ENDOD1: variants seen among roughly 807,000 people sequenced by gnomAD.
ENDOD1 encodes the protein endonuclease domain-containing 1 protein.
A neutral mutation model predicts 6.5 loss-of-function variants in ENDOD1; 9 were observed. The observed-to-expected ratio is 1.39, with a 90% CI of 0.84 to 2.43. The LOEUF (loss-of-function observed/expected upper bound fraction) is 2.43. Ranked by LOEUF, ENDOD1 falls within the 30% of genes most tolerant of loss-of-function variation. The pLI is 0.00. For synonymous variants in ENDOD1, 255 were observed against 255.2 expected, an observed-to-expected ratio of 1.00 and a Z score of 0.01; for missense variants, 648 against 635.5, an observed-to-expected ratio of 1.02 and a Z score of -0.21.
intron 1 of ENDOD1, among the ~76,000 whole-genome samples, chr11:95,107,752 C>T (rs1391400265): frequency 1.3e-5 from 2 of 152,106 alleles, no homozygotes; most frequent in Non-Finnish European, 2.9e-5. Context: ...CTTCTGCCTC[C>T]CGGGTTCAAG....
chr11:95,106,488 T>C (rs1859090511), intron 1 of ENDOD1, among the ~76,000 whole-genome samples: 1 of 152,192 alleles, frequency 6.6e-6, no homozygotes, highest in Non-Finnish European at 1.5e-5. Flanking sequence ...TGCCAGTTTG[T>C]CATTTAATCA....
chr11:95,097,922 G>A (rs1372524556), intron 1 of ENDOD1, among the ~76,000 whole-genome samples: 2 of 152,188 alleles, frequency 1.3e-5, no homozygotes, highest in African/African-American at 4.8e-5. Flanking sequence ...TTGTTCATAA[G>A]AGCAAGAATA....
chr11:95,128,942 T>C lies in ENDOD1; in HGVS notation c.866T>C (p.Ile289Thr). ...AAAATCCTGGAAGTGGTTAACCAAATCCAGGATGAAGAACGAATGGTACAA... is the reference window on the plus strand; with the variant it reads ...AAAATCCTGGAAGTGGTTAACCAAACCCAGGATGAAGAACGAATGGTACAA... Reference protein sequence around the residue: ...MKKILEVVNQIQDEERMVQSQ... With the variant: ...MKKILEVVNQTQDEERMVQSQ... The change falls in exon 2 of 2, where the codon ATC becomes ACC. Residue 289 changes from isoleucine to threonine, a missense_variant. Physicochemically the swap from Ile to Thr is moderately conservative, Grantham distance 89. Transcript: ENST00000278505. The C allele has an allele frequency of 6.2e-7, 1 of 1,613,990 alleles. No homozygotes were observed. The highest frequency in any genetic ancestry group is 8.5e-7 in the Non-Finnish European group (1 of 1,180,004).
chr11:95,103,102 T>A (rs12363635), intron 1 of ENDOD1, among the ~76,000 whole-genome samples: 4 of 123,848 alleles, frequency 3.2e-5, no homozygotes, highest in African/African-American at 9.3e-5. Flanking sequence ...GCAGAGTGGG[T>A]GTGTGTGTGT....
At position 95,128,782 on chromosome 11, in the gene ENDOD1, T is replaced by C; in HGVS notation, c.706T>C (p.Phe236Leu). Residue 236 changes from phenylalanine to leucine, a missense_variant, in exon 2 of 2, where the codon TTT becomes CTT. Transcript: ENST00000278505. The part of the protein sequence containing the change: ...AVPGGGWAMG[F>L]VKHTRDSDII... ...CCCTGGAGGAGGCTGGGCCATGGGC[T>C]TTGTCAAGCACACCCGGGACAGTGA... 2 of 1,614,164 alleles carry C rather than the reference T, an allele frequency of 1.2e-6. No homozygotes were observed. The highest frequency in any genetic ancestry group is 1.7e-6 in the Non-Finnish European group (2 of 1,180,018).
chr11:95,122,333 A>G (rs1212479038), intron 1 of ENDOD1, among the ~76,000 whole-genome samples: 3 of 151,176 alleles, frequency 2.0e-5, no homozygotes, highest in East Asian at 3.9e-4. Flanking sequence ...AGCCATTCTC[A>G]TGCCTCAGCC....
chr11:95,127,833 C>G (rs983922439), intron 1 of ENDOD1, among the ~76,000 whole-genome samples: 6 of 151,948 alleles, frequency 3.9e-5, no homozygotes, highest in African/African-American at 1.5e-4. Context: ...AATCTCAGCT[C>G]ACTGCAACCT....
intron 1 of ENDOD1, among the ~76,000 whole-genome samples, chr11:95,111,334 A>G (rs1292664897): frequency 1.3e-5 from 2 of 152,164 alleles, no homozygotes; most frequent in South Asian, 2.1e-4. Flanking sequence ...GACAGGTTTC[A>G]TGGAAGAGAA....
rs1555109670 is a variant in ENDOD1 at position 95,090,116 on chromosome 11, G to A, written c.189G>A (p.Glu63=). ...TCTGTCAGCGCGCGGAGGGTGCTGA[G>A]CGCTTCGCCACCCTCTACAGCACCC... ...VKICQRAEGA[E]RFATLYSTRD... is the part of the protein sequence containing the mutation. Residue 63 remains glutamate, a synonymous_variant, in exon 1 of 2, where the codon GAG becomes GAA. Coordinates refer to ENST00000278505, the MANE Select transcript of ENDOD1 (RefSeq NM_015036.3). 1.3e-6 allele frequency: 2 copies of A among 1,573,426 alleles called. No individual in the cohort carries two copies. Among genetic ancestry groups the A allele is most frequent in the Admixed American group, 3.6e-5 (2 of 55,898 alleles).
chr11:95,125,251 CA>C (rs1353928965), intron 1 of ENDOD1, among the ~76,000 whole-genome samples: 1 of 152,146 alleles, frequency 6.6e-6, no homozygotes, highest in Non-Finnish European at 1.5e-5. Context: ...TAAGTGCATA[CA>C]AAATGCTCCA....
intron 1 of ENDOD1, among the ~76,000 whole-genome samples, chr11:95,119,890 C>T (rs573322246): frequency 2.6e-5 from 4 of 152,282 alleles, no homozygotes; most frequent in African/African-American, 7.2e-5. Flanking sequence ...AAATGCAGTC[C>T]TTCTCACTCT....
chr11:95,124,040 A>G (rs1859288328), intron 1 of ENDOD1, among the ~76,000 whole-genome samples: 1 of 152,216 alleles, frequency 6.6e-6, no homozygotes, highest in Admixed American at 6.5e-5. Flanking sequence ...GAAGTCAACC[A>G]GTAGAAGCAA....
intron 1 of ENDOD1, among the ~76,000 whole-genome samples, chr11:95,098,985 T>G (rs1046989942): frequency 2.0e-5 from 3 of 152,208 alleles, no homozygotes; most frequent in African/African-American, 4.8e-5. Flanking sequence ...CAGGATTTTA[T>G]AGAGGGTGTG....
intron 1 of ENDOD1, among the ~76,000 whole-genome samples, chr11:95,099,850 G>A (rs1211483234): frequency 6.6e-6 from 1 of 152,138 alleles, no homozygotes; most frequent in East Asian, 1.9e-4. Flanking sequence ...TTATCTTAGT[G>A]TTTATAACTA....
At position 95,090,004 on chromosome 11, in the gene ENDOD1, A is replaced by T. The variant is rs1555109637; in HGVS notation, c.77A>T (p.Glu26Val). Residue 26 changes from glutamate (E) to valine (V), a missense_variant, in exon 1 of 2, where the codon GAG becomes GTG. Glu to Val is a moderately radical substitution (Grantham distance 121). Transcript: ENST00000278505. ...AGLLEGRLVG[E>V]EEAGFGECDK... ...CTGCTGGAAGGCCGGCTCGTGGGCGAGGAGGAAGCCGGCTTTGGCGAATGT... is the reference window on the plus strand; with the variant it reads ...CTGCTGGAAGGCCGGCTCGTGGGCGTGGAGGAAGCCGGCTTTGGCGAATGT... 1 of 1,570,960 alleles carries T rather than the reference A, an allele frequency of 6.4e-7. No homozygotes were observed. Among genetic ancestry groups the T allele is most frequent in the Non-Finnish European group, 8.6e-7 (1 of 1,160,734 alleles).
At chr11:95,119,707 C>G (rs539359238) in intron 1 of ENDOD1, among the ~76,000 whole-genome samples, 12 of 152,346 alleles carry the variant, frequency 7.9e-5, no homozygotes, top group African/African-American at 2.6e-4. Flanking sequence ...GCTCCACAAT[C>G]AGCAGGTGGC....
At chr11:95,095,672 G>A (rs917416296) in intron 1 of ENDOD1, among the ~76,000 whole-genome samples, 8 of 152,142 alleles carry the variant, frequency 5.3e-5, no homozygotes, top group Non-Finnish European at 1.0e-4. Flanking sequence ...CCATGTCAAA[G>A]GTCTTCACAT....
At chr11:95,102,028 C>T (rs1235918185) in intron 1 of ENDOD1, among the ~76,000 whole-genome samples, 2 of 152,060 alleles carry the variant, frequency 1.3e-5, no homozygotes, top group Non-Finnish European at 2.9e-5. Context: ...AAAAATCTGA[C>T]CTTCCTTCTC....
intron 1 of ENDOD1, among the ~76,000 whole-genome samples, chr11:95,098,648 C>G (rs146395069): frequency 0.01 from 1,552 of 151,694 alleles, 12 homozygotes; most frequent in Middle Eastern, 0.017. Flanking sequence ...TAAGTACAGT[C>G]TAGAGCTCAT....
Sources: allele counts gnomAD v4.1 joint callset (sites outside exome capture counted in the v4.1 genomes callset), GRCh38; gene constraint gnomAD v4.1.1; transcripts MANE v1.5; gene names NCBI Gene and HGNC (gene_info 2026-07-23, HGNC 2026-07-21).